Variants in ADAMTS3 observed in about 807,000 individuals in gnomAD.
The protein encoded by ADAMTS3 is A disintegrin and metalloproteinase with thrombospondin motifs 3.
A neutral mutation model predicts 129.0 loss-of-function variants in ADAMTS3; 73 were observed. The ratio of observed to expected loss-of-function variants is 0.57; its 90% CI spans 0.47 to 0.69. ADAMTS3 has a LOEUF of 0.69. ADAMTS3 is among the 30% of genes least tolerant of loss of function. The pLI is 0.00. For synonymous variants in ADAMTS3, 477 were observed against 510.8 expected, an observed-to-expected ratio of 0.93 and a Z score of 0.89; for missense variants, 1,457 against 1,514.5, an observed-to-expected ratio of 0.96 and a Z score of 0.63.
intron 19 of ADAMTS3, among the ~76,000 whole-genome samples, chr4:72,292,670 A>G (rs1216562646): frequency 6.6e-6 from 1 of 152,202 alleles, no homozygotes; most frequent in African/African-American, 2.4e-5. Flanking sequence ...CATTGACTCC[A>G]TCTGGTTATG....
chr4:72,512,943 T>A (rs1720356205), intron 3 of ADAMTS3, among the ~76,000 whole-genome samples: 2 of 152,102 alleles, frequency 1.3e-5, no homozygotes, highest in African/African-American at 4.8e-5. Flanking sequence ...AATTTCTGCA[T>A]CCCCAATCAG....
At chr4:72,393,787 G>A (rs1442747237) in intron 4 of ADAMTS3, among the ~76,000 whole-genome samples, 1 of 152,174 alleles carries the variant, frequency 6.6e-6, no homozygotes, top group South Asian at 2.1e-4. Flanking sequence ...TTAATGAACT[G>A]ATGATCCAGG....
intron 5 of ADAMTS3, among the ~76,000 whole-genome samples, chr4:72,333,339 T>C (rs536661146): frequency 6.6e-6 from 1 of 152,154 alleles, no homozygotes; most frequent in African/African-American, 2.4e-5. Flanking sequence ...AATGGTACCA[T>C]TAACAAACAG....
At position 72,526,775 on chromosome 4, in the gene ADAMTS3, T is replaced by G. The variant is rs955592595; in HGVS notation, c.504+21703A>C. On this transcript the variant is annotated intron_variant, in intron 3 of 21. Transcript: ENST00000286657. ...ATATATATATATATATATATATATA[T>G]ATAGACAGAGAGAGAGAGAGAGAGA... 1.7e-3 allele frequency among the ~76,000 whole-genome samples: 146 copies of G among 84,716 alleles called. 1 individual carries two copies. The highest frequency in any genetic ancestry group is 6.2e-3 in the African/African-American group (140 of 22,624). The allele number at this position is 84,716 out of a possible 152,430, so 55.6% of individuals were successfully genotyped here.
At chr4:72,525,472 A>G (rs1369324868) in intron 3 of ADAMTS3, among the ~76,000 whole-genome samples, 2 of 152,238 alleles carry the variant, frequency 1.3e-5, no homozygotes, top group Non-Finnish European at 2.9e-5. Flanking sequence ...GTAGCATGGA[A>G]TAGTTTAATC....
chr4:72,485,773 C>T (rs188803339), intron 3 of ADAMTS3, among the ~76,000 whole-genome samples: 100 of 152,214 alleles, frequency 6.6e-4, no homozygotes, highest in Non-Finnish European at 8.7e-4. Flanking sequence ...CTAACCCTTA[C>T]GGTAATGAAA....
At chr4:72,528,365 T>G (rs1448224426) in intron 3 of ADAMTS3, among the ~76,000 whole-genome samples, 5 of 152,052 alleles carry the variant, frequency 3.3e-5, no homozygotes, top group Admixed American at 3.3e-4. Flanking sequence ...AAGAGAGTAT[T>G]TTAAATGTTC....
At chr4:72,364,607 C>T (rs1370344376) in intron 4 of ADAMTS3, among the ~76,000 whole-genome samples, 1 of 148,326 alleles carries the variant, frequency 6.7e-6, no homozygotes, top group Non-Finnish European at 1.5e-5. Flanking sequence ...GAGCAAGACT[C>T]CGTTTAAAAA....
chr4:72,396,856 C>A (rs10016332), intron 4 of ADAMTS3, among the ~76,000 whole-genome samples: 139,566 of 152,244 alleles, frequency 0.92, 64,270 homozygotes, highest in East Asian at 1. Context: ...GGATAGCCTA[C>A]GGAATGCTGT....
chr4:72,293,531 C>T (rs554631522), intron 19 of ADAMTS3, among the ~76,000 whole-genome samples: 1 of 152,264 alleles, frequency 6.6e-6, no homozygotes, highest in East Asian at 1.9e-4. Context: ...CTGGCTTACA[C>T]TCCCTAGGCA....
At chr4:72,466,323 C>T (rs1031586934) in intron 3 of ADAMTS3, among the ~76,000 whole-genome samples, 3 of 151,976 alleles carry the variant, frequency 2.0e-5, no homozygotes, top group Admixed American at 1.3e-4. Flanking sequence ...TCCTTGTAGT[C>T]CATGGTAATG....
At chr4:72,548,918 T>TTTG in intron 2 of ADAMTS3, 34 bp from the exon 3 acceptor site, 1 of 1,575,112 alleles carries the variant, frequency 6.3e-7, no homozygotes. Context: ...TCAAACCCTG[T>TTTG]ACAATAAGAG....
At chr4:72,297,268 G>A (rs760514535) in intron 18 of ADAMTS3, among the ~76,000 whole-genome samples, 1 of 151,924 alleles carries the variant, frequency 6.6e-6, no homozygotes, top group Non-Finnish European at 1.5e-5. Flanking sequence ...ATATGAAGAA[G>A]GTATATCTGA....
chr4:72,306,148 T>C (rs1719084515), intron 15 of ADAMTS3, 81 bp from the exon 16 acceptor site: 2 of 1,015,418 alleles, frequency 2.0e-6, no homozygotes, highest in Non-Finnish European at 2.9e-6. Context: ...ACTACATTCT[T>C]ACTGCTTCTG....
chr4:72,431,794 G>A (rs1722704990), intron 3 of ADAMTS3, among the ~76,000 whole-genome samples: 1 of 151,932 alleles, frequency 6.6e-6, no homozygotes, highest in African/African-American at 2.4e-5. Flanking sequence ...TGGTAAAGGG[G>A]AAATGGGAAG....
intron 4 of ADAMTS3, among the ~76,000 whole-genome samples, chr4:72,351,556 C>CAAA (rs34564265): frequency 7.2e-5 from 9 of 124,932 alleles, no homozygotes; most frequent in Non-Finnish European, 1.6e-4. Context: ...AGGAAATTTC[C>CAAA]AAAAAAAAAA....
At chr4:72,485,689 T>C (rs1196660283) in intron 3 of ADAMTS3, among the ~76,000 whole-genome samples, 1 of 152,204 alleles carries the variant, frequency 6.6e-6, no homozygotes, top group Non-Finnish European at 1.5e-5. Context: ...ACTTACATTG[T>C]TCAATGCCTT....
At chr4:72,512,976 C>A (rs552083775) in intron 3 of ADAMTS3, among the ~76,000 whole-genome samples, 117 of 152,254 alleles carry the variant, frequency 7.7e-4, no homozygotes, top group Admixed American at 1.8e-3. Flanking sequence ...CTTAAAAATA[C>A]ATCTTCAAGA....
chr4:72,519,377 G>T (rs1365494986), intron 3 of ADAMTS3, among the ~76,000 whole-genome samples: 1 of 152,130 alleles, frequency 6.6e-6, no homozygotes, highest in Non-Finnish European at 1.5e-5. Flanking sequence ...GAATCTGAAT[G>T]TTGGCCTGCC....
Sources: allele counts gnomAD v4.1 joint callset (sites outside exome capture counted in the v4.1 genomes callset), GRCh38; gene constraint gnomAD v4.1.1; transcripts MANE v1.5; gene names NCBI Gene and HGNC (gene_info 2026-07-23, HGNC 2026-07-21).